Variants in MDFIC2 observed in about 807,000 individuals in gnomAD.
The protein encoded by MDFIC2 is MyoD family inhibitor domain containing 2.
chr3:70,199,438 T>A (rs1463254390), intron 3 of MDFIC2, among the ~76,000 whole-genome samples: 1 of 152,156 alleles, frequency 6.6e-6, no homozygotes, highest in Non-Finnish European at 1.5e-5. Flanking sequence ...TCCTTCTACC[T>A]CCCTATTTTG....
At chr3:70,306,360 C>T (rs1262794291) in intron 2 of MDFIC2, among the ~76,000 whole-genome samples, 2 of 152,198 alleles carry the variant, frequency 1.3e-5, no homozygotes, top group South Asian at 4.1e-4. Flanking sequence ...ATCTACCCGC[C>T]TCGGCCTCCC....
At chr3:70,234,605 A>G (rs1045503270) in intron 2 of MDFIC2, among the ~76,000 whole-genome samples, 1 of 150,882 alleles carries the variant, frequency 6.6e-6, no homozygotes, top group Non-Finnish European at 1.5e-5. Context: ...ATGCCACTGT[A>G]CTCCAGCCTG....
chr3:70,297,244 G>A (rs1255656476), intron 2 of MDFIC2, among the ~76,000 whole-genome samples: 1 of 152,036 alleles, frequency 6.6e-6, no homozygotes, highest in Non-Finnish European at 1.5e-5. Flanking sequence ...ATTGTAAAAT[G>A]AGTCCTTACA....
intron 2 of MDFIC2, among the ~76,000 whole-genome samples, chr3:70,278,060 A>T (rs922803155): frequency 7.9e-5 from 12 of 152,156 alleles, no homozygotes. Context: ...TCAAGATAAA[A>T]AACACTTCAG....
intron 2 of MDFIC2, among the ~76,000 whole-genome samples, chr3:70,222,646 G>C (rs541337802): frequency 2.6e-5 from 4 of 152,210 alleles, no homozygotes; most frequent in Non-Finnish European, 4.4e-5. Flanking sequence ...GGGCCTCCTA[G>C]GTTACTCAGA....
chr3:70,295,679 G>A (rs1702283132), intron 2 of MDFIC2, among the ~76,000 whole-genome samples: 1 of 152,116 alleles, frequency 6.6e-6, no homozygotes, highest in African/African-American at 2.4e-5. Context: ...GTGACAGTGT[G>A]AGACCCTATC....
intron 2 of MDFIC2, among the ~76,000 whole-genome samples, chr3:70,232,028 G>C (rs1172232538): frequency 6.6e-6 from 1 of 152,140 alleles, no homozygotes; most frequent in Non-Finnish European, 1.5e-5. Flanking sequence ...CCATTAATAA[G>C]CATATTCAAC....
chr3:70,259,300 TAAAG>T (rs1701844339), intron 2 of MDFIC2, among the ~76,000 whole-genome samples: 1 of 152,162 alleles, frequency 6.6e-6, no homozygotes, highest in South Asian at 2.1e-4. Flanking sequence ...TTTATCCATT[TAAAG>T]AAAGTAAGCA....
At chr3:70,285,411 T>C (rs1460658032) in intron 2 of MDFIC2, among the ~76,000 whole-genome samples, 3 of 152,244 alleles carry the variant, frequency 2.0e-5, no homozygotes, top group African/African-American at 7.2e-5. Flanking sequence ...GGCTGCATAG[T>C]ATTCTATGGT....
At chr3:70,235,528 C>T (rs542487470) in intron 2 of MDFIC2, among the ~76,000 whole-genome samples, 2 of 152,308 alleles carry the variant, frequency 1.3e-5, no homozygotes, top group East Asian at 3.9e-4. Context: ...ATCACCAAAT[C>T]AATGATCTGT....
At chr3:70,205,885 G>A (rs567197951) in intron 3 of MDFIC2, 2 of 151,988 alleles carry the variant, frequency 1.3e-5, no homozygotes, top group Non-Finnish European at 2.9e-5. Flanking sequence ...CTCCTGTAAA[G>A]GTCATTGCAA....
At chr3:70,261,621 A>C (rs1459312304) in intron 2 of MDFIC2, among the ~76,000 whole-genome samples, 10 of 151,970 alleles carry the variant, frequency 6.6e-5, no homozygotes, top group African/African-American at 2.2e-4. Context: ...GGCTTTCTTC[A>C]CTTTCAACAA....
chr3:70,284,265 C>T (rs1702118135), intron 2 of MDFIC2, among the ~76,000 whole-genome samples: 1 of 152,136 alleles, frequency 6.6e-6, no homozygotes, highest in Admixed American at 6.6e-5. Flanking sequence ...AGTGTACTTG[C>T]TAATCCCTAC....
At chr3:70,300,538 C>T (rs1297686205) in intron 2 of MDFIC2, among the ~76,000 whole-genome samples, 1 of 151,764 alleles carries the variant, frequency 6.6e-6, no homozygotes, top group Non-Finnish European at 1.5e-5. Context: ...ATATATTAGC[C>T]TTTAACCATG....
chr3:70,212,051 C>T (rs1002793405), intron 2 of MDFIC2, among the ~76,000 whole-genome samples: 3 of 152,034 alleles, frequency 2.0e-5, no homozygotes, highest in African/African-American at 7.2e-5. Flanking sequence ...TCCTACCCTG[C>T]CCTTGAAGGC....
At chr3:70,271,436 A>G (rs1701974912) in intron 2 of MDFIC2, among the ~76,000 whole-genome samples, 1 of 152,192 alleles carries the variant, frequency 6.6e-6, no homozygotes, top group Non-Finnish European at 1.5e-5. Context: ...GTATCATCAA[A>G]TCTGTTTTTC....
At chr3:70,262,741 T>G (rs1701878730) in intron 2 of MDFIC2, among the ~76,000 whole-genome samples, 1 of 152,164 alleles carries the variant, frequency 6.6e-6, no homozygotes, top group Admixed American at 6.5e-5. Flanking sequence ...TGTAAGTTTA[T>G]AGTTTTCATC....
intron 2 of MDFIC2, among the ~76,000 whole-genome samples, chr3:70,252,226 CAT>C (rs1308383378): frequency 6.6e-6 from 1 of 152,138 alleles, no homozygotes; most frequent in Non-Finnish European, 1.5e-5. Context: ...TCTGCAAACC[CAT>C]AGTTTCAGTG....
At chr3:70,268,199 G>T (rs1044937611) in intron 2 of MDFIC2, among the ~76,000 whole-genome samples, 11 of 152,090 alleles carry the variant, frequency 7.2e-5, no homozygotes, top group Non-Finnish European at 1.5e-4. Flanking sequence ...GGCTGGGCGC[G>T]GTAGCTCACG....
Sources: gnomAD v4.1 joint callset for allele counts (sites outside exome capture counted in the v4.1 genomes callset) on GRCh38, gnomAD v4.1.1 for gene constraint, MANE v1.5 for transcripts, NCBI Gene and HGNC (gene_info 2026-07-23, HGNC 2026-07-21) for gene names.